COL6A5: variants seen among roughly 807,000 people sequenced by gnomAD.
COL6A5 encodes the protein collagen type VI alpha 5 chain, also known as collagen alpha-5(VI) chain.
Under a neutral mutation model 65.6 loss-of-function variants are expected in COL6A5, and 48 were observed. The observed-to-expected ratio is 0.73, with a 90% CI of 0.58 to 0.93. The LOEUF (loss-of-function observed/expected upper bound fraction) is 0.93, where lower values mean the gene tolerates loss of function less well. Ranked by LOEUF, COL6A5 falls within the 40% of genes least tolerant of loss-of-function variation. COL6A5 has a pLI of 0.00. For synonymous variants in COL6A5, 291 were observed against 322.8 expected, an observed-to-expected ratio of 0.90 and a Z score of 1.05; for missense variants, 914 against 928.3, an observed-to-expected ratio of 0.98 and a Z score of 0.20.
At chr3:130,385,007 G>T in exon 5 of COL6A5, 1 of 1,550,874 alleles carries the variant, frequency 6.4e-7, no homozygotes, top group African/African-American at 1.4e-5. Flanking sequence ...CTATTCTAAT[G>T]ATATTGACTT....
intron 5 of COL6A5, among the ~76,000 whole-genome samples, chr3:130,461,028 A>C (rs560392851): frequency 2.0e-5 from 3 of 152,004 alleles, no homozygotes; most frequent in South Asian, 4.1e-4. Context: ...AAATTTTTGC[A>C]TGGAGTTTTC....
chr3:130,395,933 T>C (rs1425417892), intron 8 of COL6A5, among the ~76,000 whole-genome samples: 1 of 152,196 alleles, frequency 6.6e-6, no homozygotes, highest in Non-Finnish European at 1.5e-5. Flanking sequence ...TGTATTTTTC[T>C]TCTTTTAATG....
At chr3:130,383,848 G>A (rs1466718445) in intron 4 of COL6A5, among the ~76,000 whole-genome samples, 1 of 151,980 alleles carries the variant, frequency 6.6e-6, no homozygotes. Flanking sequence ...GGAACATTGA[G>A]AAGTCTTTTA....
At chr3:130,483,657 G>A (rs903887540) in intron 7 of COL6A5, among the ~76,000 whole-genome samples, 32 of 152,264 alleles carry the variant, frequency 2.1e-4, no homozygotes, top group African/African-American at 7.0e-4. Context: ...GACAGAAAAC[G>A]AAAGAATATT....
intron 7 of COL6A5, among the ~76,000 whole-genome samples, chr3:130,480,211 T>G (rs988676640): frequency 2.0e-5 from 3 of 152,020 alleles, no homozygotes; most frequent in Admixed American, 2.0e-4. Context: ...ATTTTATTAA[T>G]AAATGTATTT....
intron 5 of COL6A5, 82 bp downstream of exon 5, chr3:130,385,446 T>G: frequency 7.5e-7 from 1 of 1,338,002 alleles, no homozygotes; most frequent in South Asian, 1.5e-5. Context: ...AGACAAGGCC[T>G]GATGTGACCA....
chr3:130,401,971 C>A (rs1936833088), intron 12 of COL6A5, 117 bp downstream of exon 12: 1 of 716,890 alleles, frequency 1.4e-6, no homozygotes, highest in Non-Finnish European at 2.3e-6. Flanking sequence ...TTGCTTTGGA[C>A]ATTTCATGTG....
At chr3:130,345,924 TG>T (rs1934452423) in exon 1 of COL6A5, 2 of 398,484 alleles carry the variant, frequency 5.0e-6, no homozygotes, top group Admixed American at 4.4e-5. Context: ...CAGCCTCTTC[TG>T]GAGAGTTGGG....
chr3:130,441,405 C>T (rs1709177915), intron 3 of COL6A5, among the ~76,000 whole-genome samples: 1 of 152,162 alleles, frequency 6.6e-6, no homozygotes, highest in South Asian at 2.1e-4. Flanking sequence ...CAAAGGGTTG[C>T]TCATTGCATG....
At chr3:130,475,009 A>G (rs1178429063) in intron 7 of COL6A5, among the ~76,000 whole-genome samples, 1 of 51,466 alleles carries the variant, frequency 1.9e-5, no homozygotes, top group Non-Finnish European at 7.3e-5. Flanking sequence ...CATGTCTCCA[A>G]AAAAAAAAAA....
At chr3:130,484,050 G>C (rs747682067) in exon 8 of COL6A5, 36 of 1,607,674 alleles carry the variant, frequency 2.2e-5, no homozygotes, top group Non-Finnish European at 2.8e-5. Flanking sequence ...GAAGATACAA[G>C]GTCATCATAG....
exon 7 of COL6A5, chr3:130,391,671 A>C: frequency 1.9e-6 from 3 of 1,551,686 alleles, no homozygotes; most frequent in Non-Finnish European, 2.6e-6. Flanking sequence ...AATAAAAACA[A>C]TACTATCTAT....
chr3:130,368,694 GT>G (rs1214547088), intron 1 of COL6A5, among the ~76,000 whole-genome samples: 3 of 152,172 alleles, frequency 2.0e-5, no homozygotes, highest in Admixed American at 6.5e-5. Flanking sequence ...GTGTCTGGGT[GT>G]GGACAGATTT....
In COL6A5 at chr3:130,406,121, C is replaced by T. The variant is rs779820091; in HGVS notation, c.4381-10C>T. 2 of 1,549,834 alleles carry T rather than the reference C, an allele frequency of 1.3e-6. No homozygotes were observed. The highest frequency in any genetic ancestry group is 1.7e-6 in the Non-Finnish European group (2 of 1,145,264). On this transcript the variant is annotated splice_polypyrimidine_tract_variant and intron_variant and NMD_transcript_variant, in intron 15 of 41. Coordinates refer to the COL6A5 transcript ENST00000312481. Reference sequence around the variant, plus strand: ...CTTTTACCTGATGCCTGTCTATTGTCATCTCTCAGGGAGGTCATGGAGACG... The same window carrying T: ...CTTTTACCTGATGCCTGTCTATTGTTATCTCTCAGGGAGGTCATGGAGACG...
intron 23 of COL6A5, 115 bp from the exon 24 acceptor site, chr3:130,416,642 T>C: frequency 1.5e-6 from 1 of 686,450 alleles, no homozygotes; most frequent in South Asian, 1.7e-5. Flanking sequence ...GGATCTTTTG[T>C]TAAGGCTGCA....
chr3:130,431,539 A>C (rs911029150), exon 1 of COL6A5: 1 of 1,551,580 alleles, frequency 6.4e-7, no homozygotes, highest in Non-Finnish European at 8.7e-7. Context: ...AGAGAGCTTT[A>C]ATAAAACACG....
chr3:130,472,001 G>A, intron 7 of COL6A5, 75 bp downstream of exon 40: 3 of 1,348,824 alleles, frequency 2.2e-6, no homozygotes, highest in Non-Finnish European at 3.0e-6. Flanking sequence ...AAGATGAGCA[G>A]TTAGAATTCA....
intron 1 of COL6A5, among the ~76,000 whole-genome samples, chr3:130,366,279 T>C (rs1935338398): frequency 6.6e-6 from 1 of 152,206 alleles, no homozygotes; most frequent in Non-Finnish European, 1.5e-5. Flanking sequence ...TAATTAATAA[T>C]ACTTGAAACA....
At chr3:130,432,176 G>A (rs529457335) in intron 1 of COL6A5, among the ~76,000 whole-genome samples, 2 of 152,194 alleles carry the variant, frequency 1.3e-5, no homozygotes, top group East Asian at 3.9e-4. Flanking sequence ...TGTATGCCAG[G>A]CACTGTCCCT....
Sources: allele counts gnomAD v4.1 joint callset (sites outside exome capture counted in the v4.1 genomes callset), GRCh38; gene constraint gnomAD v4.1.1; transcripts MANE v1.5; gene names NCBI Gene and HGNC (gene_info 2026-07-23, HGNC 2026-07-21).